The following SULF1 variants were observed in gnomAD, a reference collection of about 807,000 sequenced individuals.
SULF1 encodes the protein sulfatase 1, also known as extracellular sulfatase Sulf-1.
SULF1 carries 46 observed loss-of-function variants against 110.5 expected under a neutral mutation model. The ratio of observed to expected loss-of-function variants is 0.42; its 90% confidence interval spans 0.33 to 0.53. The LOEUF (loss-of-function observed/expected upper bound fraction) is 0.53, where lower values mean the gene tolerates loss of function less well. Ranked by LOEUF, SULF1 falls within the 20% of genes least tolerant of loss-of-function variation. The probability of loss-of-function intolerance (pLI) is 0.12; values close to 1 mark genes in which losing one functional copy is unlikely to be tolerated. For missense variants in SULF1, 941 were observed against 1,094.2 expected, an observed-to-expected ratio of 0.86 and a Z score of 1.98; for synonymous variants, 371 against 387.1, an observed-to-expected ratio of 0.96 and a Z score of 0.49.
Position 69,508,990 on chromosome 8 carries a change from A to G in SULF1, c.-134+7022A>G, listed in dbSNP as rs7831599. Among the ~76,000 whole-genome samples, 1,206 of 152,094 alleles carry G rather than the reference A, an allele frequency of 7.9e-3. 12 individuals carry two copies. The highest frequency in any genetic ancestry group is 0.028 in the African/African-American group (1,148 of 41,480). The stretch of plus-strand genomic sequence containing the variant: ...AAAGAACACTGTGCTGAGAGTCAAG[A>G]TATCGGCTCTGGTTTTAGTCATCTA... On this transcript the variant is annotated intron_variant, in intron 3 of 22. Transcript: ENST00000402687.
At chr8:69,515,918 C>G (rs1257426214) in intron 3 of SULF1, among the ~76,000 whole-genome samples, 1 of 152,158 alleles carries the variant, frequency 6.6e-6, no homozygotes, top group African/African-American at 2.4e-5. Flanking sequence ...GAATGAGTTC[C>G]TCATCTCCAT....
Position 69,640,847 on chromosome 8 carries a change from C to G in SULF1, c.2585+6C>G. The G allele has an allele frequency of 6.2e-7, 1 of 1,608,674 alleles. No individual in the cohort carries two copies. The highest frequency in any genetic ancestry group is 8.5e-7 in the Non-Finnish European group (1 of 1,177,822). ...GGAAGCTATGACCTACACAGGTATT[C>G]ACACTTTTTTATTCTTCTCAACAGC... On this transcript the variant is annotated splice_donor_region_variant and intron_variant, in intron 22 of 22. Transcript: ENST00000402687.
chr8:69,631,177 T>A (rs1810511321), intron 19 of SULF1, among the ~76,000 whole-genome samples: 1 of 152,210 alleles, frequency 6.6e-6, no homozygotes, highest in African/African-American at 2.4e-5. Flanking sequence ...TGAGGGAGTC[T>A]CACCTTTGGT....
At chr8:69,633,977 G>A (rs1387814612) in intron 19 of SULF1, among the ~76,000 whole-genome samples, 1 of 152,026 alleles carries the variant, frequency 6.6e-6, no homozygotes, top group Non-Finnish European at 1.5e-5. Flanking sequence ...TAGAAAATTT[G>A]GGTTCCGTGG....
intron 8 of SULF1, among the ~76,000 whole-genome samples, chr8:69,595,314 A>T (rs2130344515): frequency 6.6e-6 from 1 of 152,344 alleles, no homozygotes; most frequent in Non-Finnish European, 1.5e-5. Context: ...TTCACATCAC[A>T]GTCACAATTC....
intron 3 of SULF1, among the ~76,000 whole-genome samples, chr8:69,505,065 C>A (rs1411742631): frequency 6.6e-6 from 1 of 152,104 alleles, no homozygotes; most frequent in African/African-American, 2.4e-5. Context: ...AATTACATAA[C>A]CCAAGAGAAA....
chr8:69,577,024 T>G (rs543824745), intron 6 of SULF1, among the ~76,000 whole-genome samples: 1 of 152,362 alleles, frequency 6.6e-6, no homozygotes, highest in South Asian at 2.1e-4. Flanking sequence ...TCAGGAAATA[T>G]ATGGCCATTT....
rs529491454 is a variant in SULF1, at chr8:69,496,904, G to A, written c.-229+978G>A. 2.4e-3 allele frequency among the ~76,000 whole-genome samples: 372 copies of A among 152,306 alleles called. 1 individual carries two copies. Among genetic ancestry groups the A allele is most frequent in the African/African-American group, 8.4e-3 (351 of 41,562 alleles). On this transcript the variant is annotated intron_variant, in intron 2 of 22. Transcript: ENST00000402687. Reference sequence around the variant, plus strand: ...ATTTTGCTTCTTTCTGTGCTCCATGGAAAGCTGGAAGCTCCTCAACTTTCT... The same window carrying A: ...ATTTTGCTTCTTTCTGTGCTCCATGAAAAGCTGGAAGCTCCTCAACTTTCT...
chr8:69,492,392 AC>A (rs1809985875), upstream of SULF1, among the ~76,000 whole-genome samples: 1 of 152,034 alleles, frequency 6.6e-6, no homozygotes, highest in African/African-American at 2.4e-5. Flanking sequence ...CCTTAGGAAA[AC>A]AAGAGACCAG....
At chr8:69,655,931 A>G (rs996672224) in intron 22 of SULF1, among the ~76,000 whole-genome samples, 1 of 152,188 alleles carries the variant, frequency 6.6e-6, no homozygotes, top group Non-Finnish European at 1.5e-5. Flanking sequence ...GATCTGATAA[A>G]TCTATTAAAT....
intron 1 of SULF1, among the ~76,000 whole-genome samples, chr8:69,476,029 T>C (rs1809287472): frequency 6.6e-6 from 1 of 152,218 alleles, no homozygotes; most frequent in Non-Finnish European, 1.5e-5. Context: ...ATAATTCTCT[T>C]CTTTTGACTA....
At chr8:69,549,900 C>T (rs576110242) in intron 3 of SULF1, among the ~76,000 whole-genome samples, 29 of 152,172 alleles carry the variant, frequency 1.9e-4, no homozygotes, top group African/African-American at 5.8e-4. Context: ...TGCACTCTCT[C>T]ACCCAGCAAC....
chr8:69,550,488 G>A (rs2150690935), intron 3 of SULF1, among the ~76,000 whole-genome samples: 1 of 152,256 alleles, frequency 6.6e-6, no homozygotes, highest in East Asian at 1.9e-4. Flanking sequence ...AAGGTGGAAT[G>A]GTGAGGGACT....
At chr8:69,607,242 T>A (rs1808293622) in intron 13 of SULF1, among the ~76,000 whole-genome samples, 1 of 152,232 alleles carries the variant, frequency 6.6e-6, no homozygotes, top group African/African-American at 2.4e-5. Context: ...AACCCACGAT[T>A]GTGTTTACTG....
intron 22 of SULF1, among the ~76,000 whole-genome samples, chr8:69,647,671 G>A (rs1368066874): frequency 6.6e-6 from 1 of 152,012 alleles, no homozygotes; most frequent in Non-Finnish European, 1.5e-5. Flanking sequence ...GGAGGCCAAG[G>A]TGGGCAGATC....
chr8:69,574,442 G>A (rs372252036), intron 5 of SULF1, among the ~76,000 whole-genome samples: 3 of 151,836 alleles, frequency 2.0e-5, no homozygotes, highest in East Asian at 3.9e-4. Flanking sequence ...TTTTCCATCT[G>A]TCCTCATCTC....
intron 21 of SULF1, 79 bp downstream of exon 21, chr8:69,638,937 T>G: frequency 7.4e-7 from 1 of 1,355,380 alleles, no homozygotes. Flanking sequence ...TGGAAACATT[T>G]AATTGCACAG....
At chr8:69,522,045 A>T (rs1037375066) in intron 3 of SULF1, among the ~76,000 whole-genome samples, 1 of 150,724 alleles carries the variant, frequency 6.6e-6, no homozygotes, top group Non-Finnish European at 1.5e-5. Context: ...AGAGAGATGG[A>T]TCATGGACGA....
intron 2 of SULF1, among the ~76,000 whole-genome samples, chr8:69,499,565 G>A (rs774383620): frequency 2.1e-4 from 32 of 152,144 alleles, no homozygotes; most frequent in Middle Eastern, 3.2e-3. Context: ...TTGGAGCTGA[G>A]AACTGTGAGG....
Sources: allele counts gnomAD v4.1 joint callset (sites outside exome capture counted in the v4.1 genomes callset), GRCh38; gene constraint gnomAD v4.1.1; transcripts MANE v1.5; gene names NCBI Gene and HGNC (gene_info 2026-07-23, HGNC 2026-07-21).